UMODL1: variants seen among roughly 807,000 people sequenced by gnomAD.
The protein encoded by UMODL1 is uromodulin like 1.
UMODL1 carries 128 observed loss-of-function variants against 136.3 expected under a neutral mutation model. The observed-to-expected ratio is 0.94, with a 90% CI of 0.81 to 1.09. The LOEUF is 1.09. UMODL1 is among the 50% of genes least tolerant of loss of function. The pLI, the probability that UMODL1 is intolerant of heterozygous loss-of-function variation, is 0.00. For synonymous variants in UMODL1, 721 were observed against 720.0 expected, an observed-to-expected ratio of 1.00 and a Z score of -0.02; for missense variants, 1,766 against 1,725.6, an observed-to-expected ratio of 1.02 and a Z score of -0.41.
In UMODL1 at chr21:42,102,174, G is replaced by T. The variant is rs371704010; in HGVS notation, c.1195G>T (p.Val399Leu). The T allele has an allele frequency of 1.2e-5, 20 of 1,612,000 alleles. No homozygotes were observed. The East Asian group carries it at 3.3e-4, about 27-fold the overall frequency. Residue 399 changes from valine to leucine, a missense_variant, in exon 8 of 23, where the codon GTA becomes TTA. Physicochemically the swap from Val to Leu is conservative, Grantham distance 32. Coordinates refer to ENST00000408910, the MANE Select transcript of UMODL1 (RefSeq NM_001004416.3). ...TTLTIKTNAQ[V>L]FEVTIKIVNH... ...TTCACTGTCTGTCTCAGATGCCCAG[G>T]TATTTGAAGTCACAATAAAGATTGT...
At chr21:42,126,579 G>T in intron 18 of UMODL1, 89 bp downstream of exon 18, 2 of 1,577,672 alleles carry the variant, frequency 1.3e-6, no homozygotes, top group Non-Finnish European at 1.7e-6. Context: ...AACCACTTAA[G>T]GACCCTTCCT....
intron 2 of UMODL1, among the ~76,000 whole-genome samples, chr21:42,077,902 T>C (rs2066314171): frequency 6.6e-6 from 1 of 152,086 alleles, no homozygotes; most frequent in African/African-American, 2.4e-5. Flanking sequence ...GGGCCCCAGA[T>C]TGTAGAGTCT....
chr21:42,102,381 C>A, intron 8 of UMODL1, 103 bp downstream of exon 8: 1 of 869,222 alleles, frequency 1.2e-6, no homozygotes, highest in Non-Finnish European at 1.8e-6. Flanking sequence ...GGGATTGTGG[C>A]AAAAATACAT....
intron 7 of UMODL1, chr21:42,101,640 C>G: frequency 2.3e-6 from 1 of 440,368 alleles, no homozygotes; most frequent in South Asian, 1.6e-5. Flanking sequence ...TTTTTTCCAT[C>G]TTTGCTTATG....
chr21:42,086,552 T>C (rs1378954193), intron 4 of UMODL1: 3 of 455,704 alleles, frequency 6.6e-6, no homozygotes, highest in Non-Finnish European at 1.3e-5. Context: ...ACTGCCCAAT[T>C]GGCCAGTAAG....
chr21:42,075,863 C>T (rs759974505), intron 1 of UMODL1, 142 bp from the exon 2 acceptor site: 2 of 1,225,178 alleles, frequency 1.6e-6, no homozygotes, highest in Non-Finnish European at 2.3e-6. Flanking sequence ...GTGGAGAGGG[C>T]TGGTGGGCAG....
Position 42,127,832 on chromosome 21 carries a change from G to GT in UMODL1, c.3690+2dup. Reference sequence around the variant, plus strand: ...ATCCCCCGGAGCCACGTGCAAAATCGTAAGTGTTTTTTGGTTTTCTAAACG... The same window carrying GT: ...ATCCCCCGGAGCCACGTGCAAAATCGTTAAGTGTTTTTTGGTTTTCTAAACG... On this transcript the variant is annotated splice_donor_variant, in intron 20 of 22. Transcript: ENST00000408910. LOFTEE classifies it high-confidence loss of function. The GT allele has an allele frequency of 6.2e-7, 1 of 1,610,928 alleles. No homozygotes were observed.
At chr21:42,081,234 G>C (rs75957543) in intron 2 of UMODL1, among the ~76,000 whole-genome samples, 2,859 of 152,148 alleles carry the variant, frequency 0.019, 93 homozygotes, top group African/African-American at 0.065. Context: ...CTCCTGTCCC[G>C]ACCAGGCGAA....
At chr21:42,070,063 T>C (rs8130205), upstream of UMODL1, among the ~76,000 whole-genome samples, 5,735 of 152,320 alleles carry the variant, frequency 0.038, 292 homozygotes, top group African/African-American at 0.12. Context: ...ATCTGACATT[T>C]AGTCATTAGC....
At chr21:42,086,279 T>G (rs2066425918) in intron 4 of UMODL1, among the ~76,000 whole-genome samples, 1 of 152,242 alleles carries the variant, frequency 6.6e-6, no homozygotes, top group South Asian at 2.1e-4. Flanking sequence ...GGGCCCCGCA[T>G]TTTCCTTTGG....
At position 42,114,382 on chromosome 21, in the gene UMODL1, T is replaced by C. The variant is rs370171536; in HGVS notation, c.2362+552T>C. 9.8e-5 allele frequency among the ~76,000 whole-genome samples: 15 copies of C among 152,380 alleles called. 3 individuals are homozygous for C. The highest frequency in any genetic ancestry group is 2.0e-4 in the Admixed American group (3 of 15,312). On this transcript the variant is annotated intron_variant, in intron 13 of 22. Transcript: ENST00000408910. ...ATTTGGATGAAATTCCTCTTTTCTT[T>C]TCATTAGCATCGCTACCTGGGTATT...
At position 42,084,144 on chromosome 21, in the gene UMODL1, A is replaced by G. The variant is rs2066396364; in HGVS notation, c.380A>G (p.Glu127Gly). The G allele has an allele frequency of 2.5e-6, 4 of 1,614,144 alleles. No individual in the cohort carries two copies. In the East Asian group the frequency reaches 8.9e-5, roughly 36 times the overall value. The change falls in exon 3 of 23, where the codon GAA (glutamate) becomes GGA (glycine). Residue 127 changes from glutamate (E) to glycine (G), a missense_variant. Glu to Gly is a moderately conservative substitution (Grantham distance 98). Coordinates refer to ENST00000408910, the MANE Select transcript of UMODL1 (RefSeq NM_001004416.3). Reference protein sequence around the residue: ...RPGACPAEGPEPSTSPCSLDI... With the variant: ...RPGACPAEGPGPSTSPCSLDI... ...GGGGCCTGCCCCGCAGAGGGGCCTGAACCATCCACCTCCCCCTGCAGCTTG... is the reference window on the plus strand; with the variant it reads ...GGGGCCTGCCCCGCAGAGGGGCCTGGACCATCCACCTCCCCCTGCAGCTTG...
At chr21:42,128,169 T>G (rs1208899812) in intron 20 of UMODL1, 3 of 382,806 alleles carry the variant, frequency 7.8e-6, no homozygotes, top group Non-Finnish European at 1.5e-5. Flanking sequence ...GTAAAAATAT[T>G]TTTTAAATAT....
Position 42,123,149 on chromosome 21 carries a change from G to A in UMODL1, c.3146G>A (p.Ser1049Asn). Reference protein sequence around the residue: ...GWSECGTLMQSNMTNTVVRTT... With the variant: ...GWSECGTLMQNNMTNTVVRTT... The stretch of plus-strand genomic sequence containing the variant: ...AGCGAGTGTGGGACCCTCATGCAGA[G>A]CGTAAGACCAGGAGAGCCAGGCTCA... Residue 1049 changes from serine (S) to asparagine (N), a missense_variant and splice_region_variant, in exon 17 of 23, where the codon AGC (serine) becomes AAC (asparagine). Transcript: ENST00000408910. This position sits in a 1 kb window ranked among gnomAD's most constrained non-coding sequence, Gnocchi z 4.4. 6.2e-7 allele frequency: 1 copy of A among 1,609,354 alleles called. No individual in the cohort carries two copies. The highest frequency in any genetic ancestry group is 8.5e-7 in the Non-Finnish European group (1 of 1,176,722).
rs200532993 is a variant in UMODL1, at chr21:42,127,237, C to T, written c.3525C>T (p.Asn1175=). The T allele has an allele frequency of 9.0e-5, 146 of 1,614,028 alleles. No homozygotes were observed. The highest frequency in any genetic ancestry group is 4.5e-5 in the Non-Finnish European group (53 of 1,179,964). ...ACCCCATCACCTTCAGCTTCATTAA[C>T]AACAGGTAGGGCTCAGGAGTGCAGG... ...ARDPITFSFI[N]NSCPVPNTYT... Residue 1175 remains asparagine (N), a synonymous_variant, in exon 19 of 23, where the codon AAC becomes AAT. Coordinates refer to ENST00000408910, the MANE Select transcript of UMODL1 (RefSeq NM_001004416.3).
rs753809563 is a variant in UMODL1 at position 42,102,202 on chromosome 21, A to T, written c.1223A>T (p.Asn408Ile). ...TTTGAAGTCACAATAAAGATTGTAAACCACAACCTGACGGAGAAGTTACTC... is the reference window on the plus strand; with the variant it reads ...TTTGAAGTCACAATAAAGATTGTAATCCACAACCTGACGGAGAAGTTACTC... ...QVFEVTIKIV[N>I]HNLTEKLLNR... Residue 408 changes from asparagine to isoleucine, a missense_variant, in exon 8 of 23, where the codon AAC (asparagine) becomes ATC (isoleucine). Coordinates refer to ENST00000408910, the MANE Select transcript of UMODL1 (RefSeq NM_001004416.3). 2 of 1,613,686 alleles carry T rather than the reference A, an allele frequency of 1.2e-6. No individual in the cohort carries two copies. The highest frequency in any genetic ancestry group is 2.7e-5 in the African/African-American group (2 of 74,924).
chr21:42,125,351 G>A (rs2067037521), intron 17 of UMODL1, among the ~76,000 whole-genome samples: 1 of 152,072 alleles, frequency 6.6e-6, no homozygotes, highest in South Asian at 2.1e-4. Context: ...ACTGAGGGTG[G>A]CCAGGAAGCT....
chr21:42,121,193 C>G lies in UMODL1; in HGVS notation c.2796C>G (p.Phe932Leu). Reference protein sequence around the residue: ...TCSCEGGAPDFPVEYSERPCE... With the variant: ...TCSCEGGAPDLPVEYSERPCE... ...GCTGCGAGGGAGGAGCCCCCGACTT[C>G]CCTGTGGAATATTCTGAGAGACCCT... The change falls in exon 16 of 23, where the codon TTC (phenylalanine) becomes TTG (leucine). Residue 932 changes from phenylalanine to leucine, a missense_variant. Physicochemically the swap from Phe to Leu is conservative, Grantham distance 22 (BLOSUM62 0). Coordinates refer to ENST00000408910, the MANE Select transcript of UMODL1 (RefSeq NM_001004416.3). 1 of 1,613,946 alleles carries G rather than the reference C, an allele frequency of 6.2e-7. No individual in the cohort carries two copies. Among genetic ancestry groups the G allele is most frequent in the South Asian group, 1.1e-5 (1 of 91,020 alleles).
At position 42,104,036 on chromosome 21, in the gene UMODL1, C is replaced by A. The variant is rs990811881; in HGVS notation, c.1468C>A (p.Leu490Met). 1 of 1,613,858 alleles carries A rather than the reference C, an allele frequency of 6.2e-7. No individual in the cohort carries two copies. The highest frequency in any genetic ancestry group is 1.7e-5 in the Admixed American group (1 of 60,008). Residue 490 changes from leucine to methionine, a missense_variant, in exon 9 of 23, where the codon CTG (leucine) becomes ATG (methionine). Transcript: ENST00000408910. Reference protein sequence around the residue: ...ISTLAPILQPLLASTVFQIDR... With the variant: ...ISTLAPILQPMLASTVFQIDR... ...CACGCTGGCCCCCATACTCCAGCCC[C>A]TGTTGGCAAGCACAGTGTTCCAGAT... is the stretch of plus-strand genomic sequence containing the variant.
Sources: allele counts gnomAD v4.1 joint callset (sites outside exome capture counted in the v4.1 genomes callset), GRCh38; gene constraint gnomAD v4.1.1; non-coding constraint Gnocchi (gnomAD v3.1); transcripts MANE v1.5; gene names NCBI Gene and HGNC (gene_info 2026-07-23, HGNC 2026-07-21).